TEX15: variants seen among roughly 807,000 people sequenced by gnomAD.
The protein encoded by TEX15 is testis-expressed protein 15.
In TEX15, 171 loss-of-function variants were observed where a neutral mutation model predicts 237.3. The observed-to-expected ratio is 0.72, with a 90% CI of 0.64 to 0.82. The LOEUF (loss-of-function observed/expected upper bound fraction) is 0.82. TEX15 is among the 40% of genes least tolerant of loss of function. TEX15 has a pLI of 0.00. For synonymous variants in TEX15, 1,338 were observed against 1,269.8 expected, an observed-to-expected ratio of 1.05 and a Z score of -1.14; for missense variants, 3,750 against 3,646.5, an observed-to-expected ratio of 1.03 and a Z score of -0.73.
Position 30,898,238 on chromosome 8 carries a change from G to T in TEX15, c.-10+504C>A, listed in dbSNP as rs116258230. ...GCTCGTGCCCCCGTGAAACTCACAT[G>T]TTGAAACCTAAACATCAGAGTGATG... On this transcript the variant is annotated intron_variant, in intron 2 of 10. Transcript: ENST00000643185. Among the ~76,000 whole-genome samples, 1,386 of 152,296 alleles carry T rather than the reference G, an allele frequency of 9.1e-3. 23 individuals carry two copies. Among genetic ancestry groups the T allele is most frequent in the African/African-American group, 0.031 (1,308 of 41,566 alleles).
chr8:30,847,266 C>T lies in TEX15; in HGVS notation c.2901G>A (p.Thr967=), dbSNP rs765610346. 17 of 1,613,668 alleles carry T rather than the reference C, an allele frequency of 1.1e-5. No homozygotes were observed. Among genetic ancestry groups the T allele is most frequent in the Admixed American group, 1.7e-5 (1 of 59,976 alleles). The change falls in exon 8 of 11, where the codon ACG becomes ACA. Residue 967 remains threonine (T), a synonymous_variant. Transcript: ENST00000643185. The part of the protein sequence containing the change: ...TGRSVEHLAS[T]TFPKTASSSV... ...AAGAACTTGCAGTTTTGGGAAATGT[C>T]GTGGAAGCCAAATGCTCTACACTTC...
At chr8:30,899,887 T>G (rs1208675828) in intron 1 of TEX15, among the ~76,000 whole-genome samples, 1 of 152,210 alleles carries the variant, frequency 6.6e-6, no homozygotes. Flanking sequence ...AGACAACTTT[T>G]AACTTATTTC....
Position 30,847,677 on chromosome 8 carries a change from A to C in TEX15, c.2490T>G (p.Val830=). 1 of 1,613,802 alleles carries C rather than the reference A, an allele frequency of 6.2e-7. No individual in the cohort carries two copies. Among genetic ancestry groups the C allele is most frequent in the East Asian group, 2.2e-5 (1 of 44,836 alleles). ...GATTGTGATCCTGACCCCTATCTTC[A>C]ACATAAGCAGTTTCTTTATAGTCTC... The part of the protein sequence containing the change: ...IQRDYKETAY[V]EDRGQDHNLF... Residue 830 remains valine, a synonymous_variant, in exon 8 of 11, where the codon GTT becomes GTG. Coordinates refer to ENST00000643185, the MANE Select transcript of TEX15 (RefSeq NM_001350162.2).
chr8:30,834,360 T>C (rs1036139440), intron 10 of TEX15, among the ~76,000 whole-genome samples: 20 of 152,114 alleles, frequency 1.3e-4, no homozygotes, highest in African/African-American at 4.8e-4. Flanking sequence ...TTAGTAGAGA[T>C]AGGGTTGCGC....
At chr8:30,870,200 A>G (rs1808263491) in intron 4 of TEX15, among the ~76,000 whole-genome samples, 1 of 152,052 alleles carries the variant, frequency 6.6e-6, no homozygotes, top group Non-Finnish European at 1.5e-5. Context: ...AAGACAGATG[A>G]GAAAACTCAT....
rs1456814075 is a variant in TEX15, at chr8:30,842,558, C to T, written c.7609G>A (p.Ala2537Thr). Residue 2537 changes from alanine to threonine, a missense_variant, in exon 8 of 11, where the codon GCT becomes ACT. Coordinates refer to ENST00000643185, the MANE Select transcript of TEX15 (RefSeq NM_001350162.2). ...KYNEAVNCSY[A>T]IHLLSRELQE... is the part of the protein sequence containing the mutation. ...AGTTCTCTTGAGAGCAAATGAATAGCATATGAGCAATTAACAGCTTCATTA... is the reference window on the plus strand; with the variant it reads ...AGTTCTCTTGAGAGCAAATGAATAGTATATGAGCAATTAACAGCTTCATTA... The T allele has an allele frequency of 6.2e-7, 1 of 1,610,698 alleles. No homozygotes were observed. Among genetic ancestry groups the T allele is most frequent in the Non-Finnish European group, 8.5e-7 (1 of 1,179,558 alleles).
intron 1 of TEX15, among the ~76,000 whole-genome samples, chr8:30,911,713 C>A (rs758768493): frequency 3.3e-5 from 5 of 152,166 alleles, no homozygotes; most frequent in Non-Finnish European, 7.3e-5. Flanking sequence ...CTCAGCCTCT[C>A]CACTTTCTCG....
Position 30,837,735 on chromosome 8 carries a change from C to A in TEX15, c.8549G>T (p.Gly2850Val). ...FAICDQKSVH[G>V]TFSPDHGTLL... ...CGTCCCATGGTCTGGTGAAAATGTG[C>A]CATGTACACTTTTTTGGTCACAAAT... is the stretch of plus-strand genomic sequence containing the variant. Residue 2850 changes from glycine to valine, a missense_variant, in exon 10 of 11, where the codon GGC becomes GTC. Coordinates refer to ENST00000643185, the MANE Select transcript of TEX15 (RefSeq NM_001350162.2). 6.2e-7 allele frequency: 1 copy of A among 1,614,070 alleles called. No individual in the cohort carries two copies. The highest frequency in any genetic ancestry group is 2.2e-5 in the East Asian group (1 of 44,874).
chr8:30,907,090 C>A (rs145644742), intron 1 of TEX15, among the ~76,000 whole-genome samples: 2 of 152,246 alleles, frequency 1.3e-5, no homozygotes, highest in East Asian at 3.9e-4. Context: ...TCCTAACCAC[C>A]ATTGCCCTAT....
chr8:30,837,351 A>G lies in TEX15; in HGVS notation c.8933T>C (p.Phe2978Ser), dbSNP rs763954714. Residue 2978 changes from phenylalanine to serine, a missense_variant, in exon 10 of 11, where the codon TTT becomes TCT. By Grantham distance (155) the Phe-to-Ser change is radical. Transcript: ENST00000643185. ...AAGGGTTATATGCCCAGATGCTCCA[A>G]AAGTATGCACAGTATTGGGATTCAA... ...DTLNPNTVHT[F>S]GASGHITLNV... 6 of 1,614,068 alleles carry G rather than the reference A, an allele frequency of 3.7e-6. No homozygotes were observed. Among genetic ancestry groups the G allele is most frequent in the Admixed American group, 1.7e-5 (1 of 59,998 alleles).
rs1807322605 is a variant in TEX15 at position 30,837,136 on chromosome 8, T to C, written c.9148A>G (p.Ser3050Gly). ...PYSAWCVYQY[S>G]NSNGNAITQT... ...GTAATGGCATTGCCATTGCTGTTGC[T>C]GTACTGATAAACACACCAAGCAGAG... Residue 3050 changes from serine (S) to glycine (G), a missense_variant, in exon 10 of 11, where the codon AGC (serine) becomes GGC (glycine). Ser to Gly is a moderately conservative substitution (Grantham distance 56). Transcript: ENST00000643185. 6.2e-7 allele frequency: 1 copy of C among 1,614,090 alleles called. No homozygotes were observed. Among genetic ancestry groups the C allele is most frequent in the Non-Finnish European group, 8.5e-7 (1 of 1,179,952 alleles).
Position 30,846,493 on chromosome 8 carries a change from A to G in TEX15, c.3674T>C (p.Ile1225Thr), listed in dbSNP as rs756000600. The change falls in exon 8 of 11, where the codon ATA becomes ACA. Residue 1225 changes from isoleucine to threonine, a missense_variant. Ile to Thr is a moderately conservative substitution (Grantham distance 89). Coordinates refer to ENST00000643185, the MANE Select transcript of TEX15 (RefSeq NM_001350162.2). Reference sequence around the variant, plus strand: ...ACTCACTGGCCCTGATTCTTGCCTTATATTATCAACTTTATCTTCACATGG... The same window carrying G: ...ACTCACTGGCCCTGATTCTTGCCTTGTATTATCAACTTTATCTTCACATGG... ...DYPCEDKVDN[I>T]RQESGPVSNS... The G allele has an allele frequency of 3.7e-6, 6 of 1,613,430 alleles. No homozygotes were observed. Among genetic ancestry groups the G allele is most frequent in the Admixed American group, 1.7e-5 (1 of 59,976 alleles).
intron 1 of TEX15, among the ~76,000 whole-genome samples, chr8:30,912,087 G>A (rs1435988024): frequency 6.6e-6 from 1 of 152,188 alleles, no homozygotes; most frequent in Non-Finnish European, 1.5e-5. Context: ...GTCGGGGGAC[G>A]CTCCCCTCAG....
intron 2 of TEX15, among the ~76,000 whole-genome samples, chr8:30,892,022 T>C (rs1808804692): frequency 1.3e-5 from 2 of 152,218 alleles, no homozygotes; most frequent in Admixed American, 1.3e-4. Flanking sequence ...TACGAATATT[T>C]TTCTTTATAT....
At chr8:30,897,174 A>ACTCAC (rs1183129318) in intron 2 of TEX15, among the ~76,000 whole-genome samples, 1 of 152,196 alleles carries the variant, frequency 6.6e-6, no homozygotes, top group African/African-American at 2.4e-5. Context: ...TGATTCTGCC[A>ACTCAC]CTCACTAGAT....
At chr8:30,869,029 A>C (rs2128772108) in intron 4 of TEX15, among the ~76,000 whole-genome samples, 1 of 152,070 alleles carries the variant, frequency 6.6e-6, no homozygotes, top group South Asian at 2.1e-4. Flanking sequence ...ATTGGTAATT[A>C]TACTACTAAT....
intron 5 of TEX15, among the ~76,000 whole-genome samples, chr8:30,860,850 C>T (rs536423052): frequency 1.2e-4 from 18 of 152,094 alleles, no homozygotes; most frequent in African/African-American, 3.4e-4. Context: ...CGCGCCCAGC[C>T]GAGAATCTAC....
chr8:30,891,147 G>C (rs1407602452), intron 2 of TEX15, among the ~76,000 whole-genome samples: 2 of 152,042 alleles, frequency 1.3e-5, no homozygotes, highest in Non-Finnish European at 2.9e-5. Context: ...GAGCTCAAGC[G>C]ATCAATAAAT....
Position 30,845,570 on chromosome 8 carries a change from A to C in TEX15, c.4597T>G (p.Tyr1533Asp). The stretch of plus-strand genomic sequence containing the variant: ...GGATTGCTTACACTGCTATTATAAT[A>C]AACTGACTGACTTGTACTTTGGGAT... ...STSQSTSQSV[Y>D]YNSSVSNPSL... Residue 1533 changes from tyrosine to aspartate, a missense_variant, in exon 8 of 11, where the codon TAT becomes GAT. Coordinates refer to ENST00000643185, the MANE Select transcript of TEX15 (RefSeq NM_001350162.2). 1 of 1,613,690 alleles carries C rather than the reference A, an allele frequency of 6.2e-7. No individual in the cohort carries two copies. The highest frequency in any genetic ancestry group is 8.5e-7 in the Non-Finnish European group (1 of 1,179,648).
Sources: gnomAD v4.1 joint callset for allele counts (sites outside exome capture counted in the v4.1 genomes callset) on GRCh38, gnomAD v4.1.1 for gene constraint, MANE v1.5 for transcripts, NCBI Gene and HGNC (gene_info 2026-07-23, HGNC 2026-07-21) for gene names.